The following XKR6 variants were observed in gnomAD, a reference collection of about 807,000 sequenced individuals.
The protein encoded by XKR6 is XK-related protein 6.
A neutral mutation model predicts 56.7 loss-of-function variants in XKR6; 22 were observed. That is an observed-to-expected ratio of 0.39 (90% CI 0.28 to 0.55). The LOEUF is 0.55. XKR6 is among the 20% of genes least tolerant of loss of function. The probability of loss-of-function intolerance (pLI) is 0.66; values close to 1 mark genes in which losing one functional copy is unlikely to be tolerated. For synonymous variants in XKR6, 524 were observed against 387.8 expected (o/e 1.35, Z -4.13); for missense variants, 852 against 889.0 (o/e 0.96, Z 0.53).
intron 1 of XKR6, among the ~76,000 whole-genome samples, chr8:10,947,965 G>A (rs1801600606): frequency 1.3e-5 from 2 of 152,212 alleles, no homozygotes; most frequent in Admixed American, 6.5e-5. Context: ...CAGGCCTGGG[G>A]TTGGGTAAGC....
chr8:11,048,947 C>G (rs185493066), intron 1 of XKR6, among the ~76,000 whole-genome samples: 1 of 152,336 alleles, frequency 6.6e-6, no homozygotes, highest in African/African-American at 2.4e-5. Flanking sequence ...TGCCCAGGTG[C>G]ACAGTGGCTG....
intron 1 of XKR6, among the ~76,000 whole-genome samples, chr8:10,990,572 G>A (rs553445189): frequency 1.4e-4 from 21 of 152,258 alleles, no homozygotes; most frequent in African/African-American, 4.6e-4. Context: ...AGCTGCTGGG[G>A]AATGTTTGTT....
intron 1 of XKR6, among the ~76,000 whole-genome samples, chr8:11,090,437 G>C (rs1798029402): frequency 6.7e-6 from 1 of 148,354 alleles, no homozygotes; most frequent in Non-Finnish European, 1.5e-5. Flanking sequence ...CAGCATTTTT[G>C]CCACTAAAAG....
intron 1 of XKR6, chr8:11,062,986 A>C (rs948321375): frequency 5.4e-6 from 2 of 372,262 alleles, no homozygotes; most frequent in African/African-American, 4.2e-5. Flanking sequence ...TGGAGGATGG[A>C]GGAGCCTGGG....
chr8:10,943,577 C>T (rs1007015397), intron 1 of XKR6, among the ~76,000 whole-genome samples: 1 of 152,126 alleles, frequency 6.6e-6, no homozygotes, highest in Non-Finnish European at 1.5e-5. Context: ...TGCTCCTTGA[C>T]CTGGTGAAAT....
intron 1 of XKR6, among the ~76,000 whole-genome samples, chr8:11,044,009 A>T (rs1563100376): frequency 6.6e-6 from 1 of 152,228 alleles, no homozygotes; most frequent in Non-Finnish European, 1.5e-5. Flanking sequence ...TTGCCTCAAG[A>T]TAAGCAATAG....
At chr8:10,939,155 A>G (rs1304991753) in intron 1 of XKR6, among the ~76,000 whole-genome samples, 1 of 152,222 alleles carries the variant, frequency 6.6e-6, no homozygotes, top group Non-Finnish European at 1.5e-5. Context: ...CTTCACTCCC[A>G]GCACAAGCAA....
intron 1 of XKR6, among the ~76,000 whole-genome samples, chr8:11,120,664 T>C (rs1799408886): frequency 6.6e-6 from 1 of 152,164 alleles, no homozygotes; most frequent in African/African-American, 2.4e-5. Context: ...AATGACTTTC[T>C]TCACAGAATT....
intron 1 of XKR6, among the ~76,000 whole-genome samples, chr8:11,199,729 G>A (rs1329831878): frequency 6.6e-6 from 1 of 152,202 alleles, no homozygotes; most frequent in East Asian, 1.9e-4. Context: ...GTGAGGGACT[G>A]AACTGGGACA....
chr8:11,040,018 C>A lies in XKR6; in HGVS notation c.765-115188G>T, dbSNP rs79444797. Among the ~76,000 whole-genome samples, 1,371 of 152,316 alleles carry A rather than the reference C, an allele frequency of 9.0e-3. 28 individuals are homozygous for A. The highest frequency in any genetic ancestry group is 0.032 in the African/African-American group (1,325 of 41,564). ...TTCCAGCAATTGCTCACTTTCCTAT[C>A]CCCATCCCGCCACCCTCTGCCTCCC... On this transcript the variant is annotated intron_variant, in intron 1 of 2. Transcript: ENST00000416569.
At chr8:11,031,540 G>C (rs1032804828) in intron 1 of XKR6, among the ~76,000 whole-genome samples, 3 of 152,226 alleles carry the variant, frequency 2.0e-5, no homozygotes, top group Non-Finnish European at 4.4e-5. Flanking sequence ...AGAACAGTAA[G>C]GCCGGAGAGT....
At chr8:10,916,628 C>A (rs1041244422) in intron 2 of XKR6, among the ~76,000 whole-genome samples, 27 of 152,312 alleles carry the variant, frequency 1.8e-4, no homozygotes, top group African/African-American at 6.3e-4. Flanking sequence ...CAGAAGCAGG[C>A]TTTACCCATA....
chr8:11,185,663 G>A (rs1322075999), intron 1 of XKR6, among the ~76,000 whole-genome samples: 2 of 152,166 alleles, frequency 1.3e-5, no homozygotes, highest in Admixed American at 6.5e-5. Flanking sequence ...TACATTAGCT[G>A]TGCTCACAAA....
chr8:10,900,592 C>G (rs141554455), intron 2 of XKR6, among the ~76,000 whole-genome samples: 212 of 152,362 alleles, frequency 1.4e-3, no homozygotes, highest in African/African-American at 4.5e-3. Context: ...CCCAAGTTCT[C>G]CATGGAAATC....
chr8:11,163,735 C>A (rs1586637239), intron 1 of XKR6, among the ~76,000 whole-genome samples: 1 of 152,340 alleles, frequency 6.6e-6, no homozygotes, highest in Non-Finnish European at 1.5e-5. Flanking sequence ...CACATAAACT[C>A]ATTTCTTCTT....
At chr8:10,980,957 G>T (rs1410621509) in intron 1 of XKR6, among the ~76,000 whole-genome samples, 1 of 152,014 alleles carries the variant, frequency 6.6e-6, no homozygotes, top group Non-Finnish European at 1.5e-5. Context: ...GGTGGCAGCA[G>T]AACTCCATAA....
intron 1 of XKR6, among the ~76,000 whole-genome samples, chr8:11,136,032 T>C (rs1422795110): frequency 1.3e-5 from 2 of 152,222 alleles, no homozygotes; most frequent in African/African-American, 2.4e-5. Flanking sequence ...ATTGAGATAT[T>C]TCTTACAATA....
rs757679308 is a variant in XKR6, at chr8:11,200,641, C to G, written c.699G>C (p.Leu233=). Residue 233 remains leucine (L), a synonymous_variant, in exon 1 of 3, where the codon CTG becomes CTC. Transcript: ENST00000416569. This position sits in a 1 kb window ranked among gnomAD's most constrained non-coding sequence, Gnocchi z 6.4. ...GCCAGATCCACACGGAGAGGCGACA[C>G]AGGCGCTGCGCCCCCGGCGTGGGGG... ...RVSPTPGAQR[L]CRLSVWIWQS... 3.9e-6 allele frequency: 6 copies of G among 1,552,928 alleles called. No homozygotes were observed. Among genetic ancestry groups the G allele is most frequent in the Non-Finnish European group, 4.3e-6 (5 of 1,160,236 alleles).
chr8:11,051,885 G>A (rs879548607), intron 1 of XKR6, among the ~76,000 whole-genome samples: 1 of 152,308 alleles, frequency 6.6e-6, no homozygotes, highest in African/African-American at 2.4e-5. Context: ...GAACGTGCAG[G>A]TTTGTTACAT....
Sources: allele counts gnomAD v4.1 joint callset (sites outside exome capture counted in the v4.1 genomes callset), GRCh38; gene constraint gnomAD v4.1.1; non-coding constraint Gnocchi (gnomAD v3.1); transcripts MANE v1.5; gene names NCBI Gene and HGNC (gene_info 2026-07-23, HGNC 2026-07-21).